The following NHSL3 variants were observed in gnomAD, a reference collection of about 807,000 sequenced individuals.
The protein encoded by NHSL3 is NHS like 3.
At chr1:32,752,822 G>T in the NHSL3 span, among the ~76,000 whole-genome samples, 5 of 149,736 alleles carry the variant, frequency 3.3e-5, no homozygotes, top group East Asian at 7.9e-4. Context: ...GAAGTGATCT[G>T]CCCGCCTTGG....
the NHSL3 span, chr1:32,767,694 T>G: frequency 9.1e-7 from 1 of 1,099,960 alleles, no homozygotes; most frequent in Non-Finnish European, 1.3e-6. Context: ...CCGTGTGCAG[T>G]CTGGGGACCA....
the NHSL3 span, chr1:32,772,557 C>T: frequency 1.4e-6 from 2 of 1,424,452 alleles, no homozygotes; most frequent in South Asian, 3.1e-5. Flanking sequence ...CTGAGAATGC[C>T]TGGGAAGGGC....
chr1:32,772,144 CCT>C, the NHSL3 span: 5 of 1,613,222 alleles, frequency 3.1e-6, no homozygotes, highest in Admixed American at 3.3e-5. Context: ...GCCCGTGTCC[CCT>C]GAGACCCAGG....
chr1:32,770,060 G>A, the NHSL3 span: 21 of 1,567,150 alleles, frequency 1.3e-5, no homozygotes, highest in South Asian at 3.6e-5. This position sits in a 1 kb window ranked among gnomAD's most constrained non-coding sequence, Gnocchi z 8.3. Flanking sequence ...ATGCTGCAGC[G>A]CCACATTGAC....
chr1:32,771,993 C>T, the NHSL3 span: 1 of 1,604,188 alleles, frequency 6.2e-7, no homozygotes. Flanking sequence ...GACTCAAGGC[C>T]TGCAGCCTGG....
At chr1:32,752,954 T>TACACACACACACAC in the NHSL3 span, among the ~76,000 whole-genome samples, 1 of 3,288 alleles carries the variant, frequency 3.0e-4, no homozygotes, top group African/African-American at 4.5e-4. Flanking sequence ...CACACACATA[T>TACACACACACACAC]ATATATATAT....
chr1:32,745,081 G>A, the NHSL3 span, among the ~76,000 whole-genome samples: 5 of 148,526 alleles, frequency 3.4e-5, no homozygotes, highest in South Asian at 4.2e-4. Context: ...AGCCAAGATT[G>A]CACCGCTGCA....
chr1:32,752,770 G>A, the NHSL3 span, among the ~76,000 whole-genome samples: 1 of 151,748 alleles, frequency 6.6e-6, no homozygotes, highest in South Asian at 2.1e-4. Context: ...GCAGAGATGA[G>A]GTTTTACCAT....
At chr1:32,771,307 C>G in the NHSL3 span, 1 of 1,599,662 alleles carries the variant, frequency 6.3e-7, no homozygotes, top group Non-Finnish European at 8.5e-7. Context: ...CCCTCCCACT[C>G]CCCAGACAAC....
chr1:32,751,913 C>T, the NHSL3 span, among the ~76,000 whole-genome samples: 1 of 152,174 alleles, frequency 6.6e-6, no homozygotes, highest in African/African-American at 2.4e-5. Flanking sequence ...ACCTGCCACA[C>T]TTCAGAAATC....
At chr1:32,765,538 C>A in the NHSL3 span, 1 of 1,251,016 alleles carries the variant, frequency 8.0e-7, no homozygotes. Context: ...CCTTTCTGTG[C>A]CCCTGCACCC....
the NHSL3 span, chr1:32,754,328 C>A: frequency 1.8e-6 from 1 of 570,048 alleles, no homozygotes; most frequent in Non-Finnish European, 3.2e-6. Context: ...CACAGGCACA[C>A]GGAGACACAC....
the NHSL3 span, chr1:32,769,758 A>C: frequency 7.4e-6 from 12 of 1,613,166 alleles, no homozygotes; most frequent in South Asian, 6.6e-5. Flanking sequence ...CTGTGCTGGG[A>C]CTCCCGCAGC....
At chr1:32,749,807 A>G in the NHSL3 span, among the ~76,000 whole-genome samples, 1 of 151,932 alleles carries the variant, frequency 6.6e-6, no homozygotes, top group Non-Finnish European at 1.5e-5. Flanking sequence ...GGGGCTCTCA[A>G]TCAGTGTGCT....
chr1:32,774,802 T>TTTAA, the NHSL3 span: 1 of 152,576 alleles, frequency 6.6e-6, no homozygotes, highest in African/African-American at 2.4e-5. Context: ...GCCTCTGATT[T>TTTAA]TTAATTTCCA....
chr1:32,745,573 A>G, the NHSL3 span, among the ~76,000 whole-genome samples: 22 of 151,924 alleles, frequency 1.4e-4, no homozygotes, highest in South Asian at 3.1e-3. Flanking sequence ...AAAAAAAAAA[A>G]AAAAATGGAC....
the NHSL3 span, among the ~76,000 whole-genome samples, chr1:32,742,516 C>T: frequency 6.6e-6 from 1 of 152,342 alleles, no homozygotes; most frequent in South Asian, 2.1e-4. Context: ...CTGCCCTCTG[C>T]TGAGTCAGGG....
chr1:32,741,970 C>T, the NHSL3 span: 8 of 1,124,554 alleles, frequency 7.1e-6, no homozygotes, highest in East Asian at 8.3e-5. This position sits in a 1 kb window ranked among gnomAD's most constrained non-coding sequence, Gnocchi z 4.3. Context: ...GGCCCGCGCG[C>T]CCCCCGCCGC....
the NHSL3 span, chr1:32,770,742 GC>G: frequency 6.4e-7 from 1 of 1,554,276 alleles, no homozygotes. The surrounding 1 kb of genome is among the most constrained non-coding windows in gnomAD (Gnocchi z 8.3). Context: ...CATTAGGGTT[GC>G]CCCCTAAGCC....
Sources: gnomAD v4.1 joint callset for allele counts (sites outside exome capture counted in the v4.1 genomes callset) on GRCh38, gnomAD v4.1.1 for gene constraint, Gnocchi (gnomAD v3.1) non-coding constraint, MANE v1.5 for transcripts, NCBI Gene and HGNC (gene_info 2026-07-23, HGNC 2026-07-21) for gene names.